Variants in SINHCAF observed in about 807,000 individuals in gnomAD.
The protein encoded by SINHCAF is SIN3-HDAC complex associated factor, also known as SIN3-HDAC complex-associated factor.
SINHCAF carries 3 observed loss-of-function variants against 25.8 expected under a neutral mutation model. The observed-to-expected ratio is 0.12, with a 90% CI of 0.05 to 0.30. The LOEUF is 0.30. SINHCAF is among the 10% of genes least tolerant of loss of function. The probability of loss-of-function intolerance (pLI) is 1.00; values close to 1 mark genes in which losing one functional copy is unlikely to be tolerated. For missense variants in SINHCAF, 121 were observed against 262.3 expected (o/e 0.46, Z 3.72); for synonymous variants, 70 against 85.5 (o/e 0.82, Z 1.00).
At chr12:31,289,703 C>T (rs961315909) in intron 4 of SINHCAF, among the ~76,000 whole-genome samples, 20 of 152,264 alleles carry the variant, frequency 1.3e-4, no homozygotes, top group African/African-American at 4.6e-4. Flanking sequence ...GCAATCCTTC[C>T]ATTCAGATAA....
chr12:31,282,519 G>T lies in SINHCAF; in HGVS notation c.*193C>A. On this transcript the variant is annotated 3_prime_UTR_variant, in exon 6 of 6. Transcript: ENST00000337682. ...CACCTATAAACCCAGCTACTTGGGA[G>T]GCTGAGGCAGGAGAATCACTTGAAC... 2.2e-6 allele frequency: 1 copy of T among 448,194 alleles called. No homozygotes were observed. The allele number at this position is 448,194 out of a possible 1,614,324, so 27.8% of individuals were successfully genotyped here. A position where few individuals can be genotyped will look rare whatever the true frequency, so the allele number is the denominator to read the frequency against.
chr12:31,325,093 C>T lies in SINHCAF; in HGVS notation c.-21+931G>A, dbSNP rs1939906023. On this transcript the variant is annotated intron_variant, in intron 1 of 5. Coordinates refer to ENST00000337682, the MANE Select transcript of SINHCAF (RefSeq NM_001135812.2). This position sits in a 1 kb window ranked among gnomAD's most constrained non-coding sequence, Gnocchi z 5.9. ...GTGCCCTGCGGAGTTCACTGACTCC[C>T]GCGGCGTACACAACGCCGCCGCCTC... 1 of 456,620 alleles carries T rather than the reference C, an allele frequency of 2.2e-6. No individual in the cohort carries two copies. Among genetic ancestry groups the T allele is most frequent in the South Asian group, 1.5e-5 (1 of 64,576 alleles). The allele number at this position is 456,620 out of a possible 1,614,324, so 28.3% of individuals were successfully genotyped here.
chr12:31,283,741 C>T (rs1937910257), intron 5 of SINHCAF, among the ~76,000 whole-genome samples: 1 of 151,800 alleles, frequency 6.6e-6, no homozygotes, highest in South Asian at 2.1e-4. Flanking sequence ...ACAGTCCCAT[C>T]CTACCTCATC....
At chr12:31,291,785 AAAAG>A (rs202145232) in intron 4 of SINHCAF, among the ~76,000 whole-genome samples, 27,779 of 151,204 alleles carry the variant, frequency 0.18, 2,582 homozygotes, top group Admixed American at 0.26. Flanking sequence ...GAAAAAAAAA[AAAAG>A]AAAGAAAGAA....
intron 1 of SINHCAF, among the ~76,000 whole-genome samples, chr12:31,318,583 A>G (rs1939582800): frequency 1.3e-5 from 2 of 152,150 alleles, no homozygotes; most frequent in Non-Finnish European, 2.9e-5. Flanking sequence ...TTAAAAATAA[A>G]ATTACAAATT....
At chr12:31,284,862 C>A (rs1937968412) in intron 5 of SINHCAF, among the ~76,000 whole-genome samples, 1 of 152,116 alleles carries the variant, frequency 6.6e-6, no homozygotes, top group African/African-American at 2.4e-5. Flanking sequence ...CATAATATGT[C>A]TTGATTTCTG....
At chr12:31,291,916 A>T (rs1245856352) in intron 4 of SINHCAF, among the ~76,000 whole-genome samples, 7 of 152,240 alleles carry the variant, frequency 4.6e-5, no homozygotes, top group Admixed American at 2.6e-4. Flanking sequence ...TTCAATGCAC[A>T]AAGGTGCCAG....
At chr12:31,288,043 C>G (rs1426453149) in intron 4 of SINHCAF, among the ~76,000 whole-genome samples, 2 of 152,084 alleles carry the variant, frequency 1.3e-5, no homozygotes, top group South Asian at 2.1e-4. Flanking sequence ...TAAAACAAAC[C>G]TGAGACTCCA....
At chr12:31,312,124 T>C in intron 1 of SINHCAF, 1 of 434,680 alleles carries the variant, frequency 2.3e-6, no homozygotes, top group Non-Finnish European at 4.5e-6. Flanking sequence ...TCACCATCAA[T>C]TGGTTTTTCC....
At position 31,324,531 on chromosome 12, in the gene SINHCAF, G is replaced by A. The variant is rs1358284123; in HGVS notation, c.-21+1493C>T. ...AGCGCCGCCAAAGTTTCCCCACGAG[G>A]GGGCTGAGGGACAAAAGCCCCTCCC... On this transcript the variant is annotated intron_variant, in intron 1 of 5. Transcript: ENST00000337682. This position sits in a 1 kb window ranked among gnomAD's most constrained non-coding sequence, Gnocchi z 5.5. 1.2e-5 allele frequency: 2 copies of A among 165,714 alleles called. No individual in the cohort carries two copies. Among genetic ancestry groups the A allele is most frequent in the East Asian group, 1.9e-4 (1 of 5,364 alleles). The allele number at this position is 165,714 out of a possible 1,614,324, so 10.3% of individuals were successfully genotyped here. A position where few individuals can be genotyped will look rare whatever the true frequency, so the allele number is the denominator to read the frequency against.
Position 31,321,091 on chromosome 12 carries a change from C to T in SINHCAF, c.-21+4933G>A, listed in dbSNP as rs1939677720. On this transcript the variant is annotated intron_variant, in intron 1 of 5. Coordinates refer to ENST00000337682, the MANE Select transcript of SINHCAF (RefSeq NM_001135812.2). ...CCTCCCTACCTTGAAAACAAACTCC[C>T]TTTTTGGACTAGATGACATTTCCAG... Among the ~76,000 whole-genome samples, 5 of 152,286 alleles carry T rather than the reference C, an allele frequency of 3.3e-5. 1 individual carries two copies. The South Asian group carries it at 1.0e-3, about 32-fold the overall frequency.
chr12:31,297,091 T>A, intron 2 of SINHCAF: 3 of 385,442 alleles, frequency 7.8e-6, no homozygotes, highest in South Asian at 5.9e-5. Flanking sequence ...TGTTAGAAAT[T>A]ACTTTCACCA....
At chr12:31,290,777 T>C (rs529721973) in intron 4 of SINHCAF, among the ~76,000 whole-genome samples, 109 of 152,230 alleles carry the variant, frequency 7.2e-4, no homozygotes, top group African/African-American at 1.1e-3. Flanking sequence ...TGGAGTGCAA[T>C]AGCACAATCT....
At chr12:31,316,145 T>TGG (rs1481187790) in intron 1 of SINHCAF, among the ~76,000 whole-genome samples, 10 of 151,570 alleles carry the variant, frequency 6.6e-5, no homozygotes. Flanking sequence ...ACTCCAGCCT[T>TGG]GGGGACAAGA....
chr12:31,313,641 T>TTTTG (rs752380578), intron 1 of SINHCAF, among the ~76,000 whole-genome samples: 1 of 152,142 alleles, frequency 6.6e-6, no homozygotes, highest in East Asian at 1.9e-4. Flanking sequence ...TTAAATGTTT[T>TTTTG]TTTGTTTGTT....
chr12:31,288,898 T>C (rs1938188414), intron 4 of SINHCAF, among the ~76,000 whole-genome samples: 2 of 152,060 alleles, frequency 1.3e-5, no homozygotes, highest in African/African-American at 2.4e-5. Context: ...TGAGCAATTA[T>C]GAACATGTTT....
chr12:31,295,780 G>A (rs557942086), intron 2 of SINHCAF, among the ~76,000 whole-genome samples: 14 of 152,100 alleles, frequency 9.2e-5, no homozygotes, highest in African/African-American at 3.4e-4. Context: ...GCTTAAGCAG[G>A]AGAATCGCTT....
chr12:31,284,872 G>A (rs1937969028), intron 5 of SINHCAF, among the ~76,000 whole-genome samples: 1 of 152,008 alleles, frequency 6.6e-6, no homozygotes, highest in Non-Finnish European at 1.5e-5. Flanking sequence ...CTTGATTTCT[G>A]TTAGGGCAAG....
chr12:31,325,942 G>C lies in SINHCAF; in HGVS notation c.-21+82C>G, dbSNP rs1459362943. 6.6e-6 allele frequency: 1 copy of C among 151,806 alleles called. No individual in the cohort carries two copies. The highest frequency in any genetic ancestry group is 2.4e-5 in the African/African-American group (1 of 41,296). The allele number at this position is 151,806 out of a possible 1,614,324, so 9.4% of individuals were successfully genotyped here. ...GGAAGGACGGGGGGAGGTGGGTGGA[G>C]GTGAAAAGAGAAAAAAAAAAACACT... is the stretch of plus-strand genomic sequence containing the variant. On this transcript the variant is annotated intron_variant, in intron 1 of 5. Transcript: ENST00000337682. The surrounding 1 kb of genome is among the most constrained non-coding windows in gnomAD (Gnocchi z 5.9).
Sources: allele counts gnomAD v4.1 joint callset (sites outside exome capture counted in the v4.1 genomes callset), GRCh38; gene constraint gnomAD v4.1.1; non-coding constraint Gnocchi (gnomAD v3.1); transcripts MANE v1.5; gene names NCBI Gene and HGNC (gene_info 2026-07-23, HGNC 2026-07-21).